The following NCOA7 variants were observed in gnomAD, a reference collection of about 807,000 sequenced individuals.
NCOA7 encodes 140 kDa estrogen receptor-associated protein.
Under a neutral mutation model 104.3 loss-of-function variants are expected in NCOA7, and 45 were observed. The ratio of observed to expected loss-of-function variants is 0.43; its 90% confidence interval spans 0.34 to 0.55. The LOEUF (loss-of-function observed/expected upper bound fraction) is 0.55, where lower values mean the gene tolerates loss of function less well. NCOA7 is among the 20% of genes least tolerant of loss of function. The pLI is 0.02. For synonymous variants in NCOA7, 398 were observed against 402.3 expected (o/e 0.99, Z 0.13); for missense variants, 1,041 against 1,119.7 (o/e 0.93, Z 1.00).
At chr6:125,847,433 T>C (rs965854030) in intron 2 of NCOA7, among the ~76,000 whole-genome samples, 19 of 152,234 alleles carry the variant, frequency 1.2e-4, no homozygotes, top group African/African-American at 4.6e-4. Context: ...GGCTACCACA[T>C]TGAGCAATGC....
chr6:125,855,407 A>G (rs1354809230), intron 3 of NCOA7, 167 bp downstream of exon 3: 1 of 566,640 alleles, frequency 1.8e-6, no homozygotes, highest in African/African-American at 1.9e-5. Flanking sequence ...AGGGGATCAC[A>G]CTAAAATAAT....
intron 2 of NCOA7, among the ~76,000 whole-genome samples, chr6:125,824,281 G>A (rs1216145635): frequency 3.9e-5 from 6 of 152,126 alleles, no homozygotes; most frequent in Admixed American, 2.6e-4. Context: ...CCTGGTTCAA[G>A]AACAGTAAAG....
At chr6:125,828,962 A>G (rs1025053481) in intron 2 of NCOA7, among the ~76,000 whole-genome samples, 3 of 152,178 alleles carry the variant, frequency 2.0e-5, no homozygotes, top group Non-Finnish European at 4.4e-5. Context: ...TCCTACTTGT[A>G]TCTAATTCCA....
intron 1 of NCOA7, among the ~76,000 whole-genome samples, chr6:125,812,149 A>G (rs1487513770): frequency 6.6e-6 from 1 of 152,198 alleles, no homozygotes; most frequent in Non-Finnish European, 1.5e-5. Flanking sequence ...GGCAGGCATC[A>G]AGATTAGTTC....
chr6:125,829,739 T>G (rs1778993686), intron 2 of NCOA7, among the ~76,000 whole-genome samples: 1 of 149,412 alleles, frequency 6.7e-6, no homozygotes, highest in Non-Finnish European at 1.5e-5. Flanking sequence ...TATGAGGAAC[T>G]AACGTCCCCC....
intron 13 of NCOA7, among the ~76,000 whole-genome samples, chr6:125,927,178 A>G (rs1474371804): frequency 1.3e-5 from 2 of 152,258 alleles, no homozygotes; most frequent in Non-Finnish European, 2.9e-5. Flanking sequence ...ACTCATTGTT[A>G]CAAATCAAAA....
At chr6:125,891,577 T>C (rs1784625730) in intron 10 of NCOA7, among the ~76,000 whole-genome samples, 1 of 152,204 alleles carries the variant, frequency 6.6e-6, no homozygotes, top group Non-Finnish European at 1.5e-5. Flanking sequence ...AACATCATCA[T>C]CTAGCCAGAT....
At chr6:125,893,954 C>T (rs1784807989) in intron 10 of NCOA7, among the ~76,000 whole-genome samples, 1 of 152,132 alleles carries the variant, frequency 6.6e-6, no homozygotes, top group Admixed American at 6.6e-5. Context: ...AGGTCATTCT[C>T]TTGAGACAGC....
In NCOA7 at chr6:125,927,745, G is replaced by A. The variant is rs1430342715; in HGVS notation, c.2606G>A (p.Ser869Asn). The change falls in exon 14 of 16, where the codon AGC (serine) becomes AAC (asparagine). Residue 869 changes from serine (S) to asparagine (N), a missense_variant. Physicochemically the swap from Ser to Asn is conservative, Grantham distance 46. Coordinates refer to ENST00000392477, the MANE Select transcript of NCOA7 (RefSeq NM_181782.5). Reference protein sequence around the residue: ...GTGETFLYTFSPHFKVFKWSG... With the variant: ...GTGETFLYTFNPHFKVFKWSG... ...GGCGAAACTTTTCTCTACACATTCA[G>A]CCCTCATTTTAAGGTACCTAGATAG... 5.0e-6 allele frequency: 8 copies of A among 1,613,074 alleles called. No individual in the cohort carries two copies. In the East Asian group the frequency reaches 1.8e-4, roughly 36 times the overall value.
intron 10 of NCOA7, among the ~76,000 whole-genome samples, chr6:125,899,183 C>G (rs1785285989): frequency 6.6e-6 from 1 of 152,172 alleles, no homozygotes; most frequent in Non-Finnish European, 1.5e-5. Flanking sequence ...GAAAGATGTT[C>G]AAATCCTAAG....
At chr6:125,917,329 C>G (rs1663287815) in intron 11 of NCOA7, among the ~76,000 whole-genome samples, 1 of 152,162 alleles carries the variant, frequency 6.6e-6, no homozygotes, top group Non-Finnish European at 1.5e-5. Context: ...CCTACCTTTT[C>G]TGTCTCATCT....
At chr6:125,869,267 G>T (rs1782680183) in intron 3 of NCOA7, among the ~76,000 whole-genome samples, 1 of 152,070 alleles carries the variant, frequency 6.6e-6, no homozygotes, top group African/African-American at 2.4e-5. Context: ...GTTCTTGCTG[G>T]TTTTTCTCAG....
intron 2 of NCOA7, chr6:125,818,969 T>C (rs1777878224): frequency 6.6e-6 from 1 of 152,196 alleles, no homozygotes; most frequent in African/African-American, 2.4e-5. Context: ...TATACCACCT[T>C]ACATAAATCT....
intron 10 of NCOA7, among the ~76,000 whole-genome samples, chr6:125,896,122 G>A (rs1282945797): frequency 6.6e-6 from 1 of 150,714 alleles, no homozygotes. Context: ...ATTTAATCAT[G>A]TACTTACTTT....
At chr6:125,851,885 T>C (rs1781161449) in intron 2 of NCOA7, among the ~76,000 whole-genome samples, 1 of 151,232 alleles carries the variant, frequency 6.6e-6, no homozygotes, top group South Asian at 2.1e-4. Context: ...TTGGCCATTG[T>C]ATATCTTTTT....
chr6:125,888,661 T>C (rs1784417885), intron 8 of NCOA7, among the ~76,000 whole-genome samples: 1 of 152,252 alleles, frequency 6.6e-6, no homozygotes, highest in African/African-American at 2.4e-5. Context: ...TTCATGTTCA[T>C]GTATAACTTC....
At chr6:125,872,413 C>G (rs935475023) in intron 3 of NCOA7, among the ~76,000 whole-genome samples, 20 of 152,244 alleles carry the variant, frequency 1.3e-4, no homozygotes, top group Admixed American at 5.9e-4. Context: ...ATTGTGGGCT[C>G]TAGAAATAGG....
Position 125,893,213 on chromosome 6 carries a change from G to T in NCOA7, c.2096+2403G>T, listed in dbSNP as rs983228904. ...GTTTAATGGATCCATGCATCCACTGGAGTTTCAGTTGCAGAGTGAAGCCAC... is the reference window on the plus strand; with the variant it reads ...GTTTAATGGATCCATGCATCCACTGTAGTTTCAGTTGCAGAGTGAAGCCAC... On this transcript the variant is annotated intron_variant, in intron 10 of 15. Coordinates refer to ENST00000392477, the MANE Select transcript of NCOA7 (RefSeq NM_181782.5). 3.9e-5 allele frequency among the ~76,000 whole-genome samples: 6 copies of T among 152,276 alleles called. No homozygotes were observed. In the East Asian group the frequency reaches 1.2e-3, roughly 29 times the overall value.
At chr6:125,881,999 A>G (rs1304296239) in intron 6 of NCOA7, among the ~76,000 whole-genome samples, 1 of 152,044 alleles carries the variant, frequency 6.6e-6, no homozygotes, top group East Asian at 1.9e-4. Context: ...GATTACAGGC[A>G]CCGGCCACTA....
Sources: allele counts gnomAD v4.1 joint callset (sites outside exome capture counted in the v4.1 genomes callset), GRCh38; gene constraint gnomAD v4.1.1; transcripts MANE v1.5; gene names NCBI Gene and HGNC (gene_info 2026-07-23, HGNC 2026-07-21).